The following DRC1 variants were observed in gnomAD, a reference collection of about 807,000 sequenced individuals.
DRC1 encodes dynein regulatory complex protein 1.
A neutral mutation model predicts 98.7 loss-of-function variants in DRC1; 74 were observed. The ratio of observed to expected loss-of-function variants is 0.75; its 90% confidence interval spans 0.62 to 0.91. DRC1 has a LOEUF of 0.91. Ranked by LOEUF, DRC1 falls within the 40% of genes least tolerant of loss-of-function variation. The probability of loss-of-function intolerance (pLI) is 0.00; values close to 1 mark genes in which losing one functional copy is unlikely to be tolerated. For missense variants in DRC1, 875 were observed against 886.0 expected, an observed-to-expected ratio of 0.99 and a Z score of 0.16; for synonymous variants, 336 against 334.1, an observed-to-expected ratio of 1.01 and a Z score of -0.06.
At chr2:26,433,042 G>A (rs34456384) in intron 7 of DRC1, among the ~76,000 whole-genome samples, 7,544 of 152,238 alleles carry the variant, frequency 0.05, 307 homozygotes, top group Non-Finnish European at 0.067. Flanking sequence ...TCAGAAGGGC[G>A]TTCCACAAAA....
At chr2:26,411,319 A>G (rs1678602044) in intron 1 of DRC1, among the ~76,000 whole-genome samples, 1 of 152,246 alleles carries the variant, frequency 6.6e-6, no homozygotes, top group Admixed American at 6.5e-5. Flanking sequence ...ATTTAACCCA[A>G]TATATAAAAG....
intron 10 of DRC1, among the ~76,000 whole-genome samples, chr2:26,447,723 T>A (rs1039645892): frequency 6.6e-6 from 1 of 151,006 alleles, no homozygotes; most frequent in Non-Finnish European, 1.5e-5. Flanking sequence ...CGTGCCACCA[T>A]GCCCAGCTAA....
intron 7 of DRC1, among the ~76,000 whole-genome samples, chr2:26,433,989 G>T (rs1295255987): frequency 6.6e-6 from 1 of 152,164 alleles, no homozygotes; most frequent in Non-Finnish European, 1.5e-5. Context: ...GTTTTAGTAG[G>T]TTAAACTTTA....
At chr2:26,412,857 A>C (rs1289680329) in intron 1 of DRC1, among the ~76,000 whole-genome samples, 1 of 151,996 alleles carries the variant, frequency 6.6e-6, no homozygotes, top group African/African-American at 2.4e-5. Context: ...GGCTCGGCTC[A>C]CTGCAAGCTC....
chr2:26,456,418 G>C, intron 16 of DRC1, 43 bp from the exon 17 acceptor site: 2 of 1,613,132 alleles, frequency 1.2e-6, no homozygotes, highest in Non-Finnish European at 1.7e-6. Flanking sequence ...AAAGAAGGAG[G>C]GCCCTGGGAA....
At chr2:26,452,091 C>T (rs980439595) in intron 13 of DRC1, among the ~76,000 whole-genome samples, 89 of 68,254 alleles carry the variant, frequency 1.3e-3, no homozygotes, top group Non-Finnish European at 3.7e-3. Context: ...GTTATGTTGG[C>T]GCAAAAAAAA....
Position 26,421,387 on chromosome 2 carries a change from A to C in DRC1, c.343A>C (p.Ile115Leu), listed in dbSNP as rs750393829. Reference protein sequence around the residue: ...EIHRRVEEEEIKRQRIEKLEN... With the variant: ...EIHRRVEEEELKRQRIEKLEN... ...TCACAGGAGAGTCGAAGAAGAGGAG[A>C]TAAAGCGTCAAAGGTAAGGACTGTG... The change falls in exon 3 of 17, where the codon ATA becomes CTA. Residue 115 changes from isoleucine (I) to leucine (L), a missense_variant. Ile to Leu is a conservative substitution (Grantham distance 5). Transcript: ENST00000288710. 5.6e-6 allele frequency: 9 copies of C among 1,613,008 alleles called. No homozygotes were observed. The highest frequency in any genetic ancestry group is 6.8e-6 in the Non-Finnish European group (8 of 1,179,320).
At chr2:26,436,429 A>T (rs1015372434) in intron 7 of DRC1, among the ~76,000 whole-genome samples, 1 of 151,996 alleles carries the variant, frequency 6.6e-6, no homozygotes, top group Non-Finnish European at 1.5e-5. Flanking sequence ...CTCCCACCTC[A>T]GTCTCCCGAA....
intron 1 of DRC1, among the ~76,000 whole-genome samples, chr2:26,408,393 G>T (rs1678490517): frequency 6.6e-6 from 1 of 152,146 alleles, no homozygotes; most frequent in Non-Finnish European, 1.5e-5. Context: ...TTCCTGGAAT[G>T]GTGGCACTTC....
intron 11 of DRC1, 133 bp downstream of exon 11, chr2:26,448,936 G>C: frequency 1.1e-6 from 1 of 883,034 alleles, no homozygotes; most frequent in South Asian, 1.6e-5. Flanking sequence ...GTTGGGCCCT[G>C]AGGAGCAGAG....
Position 26,402,018 on chromosome 2 carries a change from T to G in DRC1, c.29T>G (p.Leu10Arg). 2 of 1,611,154 alleles carry G rather than the reference T, an allele frequency of 1.2e-6. No individual in the cohort carries two copies. The highest frequency in any genetic ancestry group is 1.7e-6 in the Non-Finnish European group (2 of 1,178,998). Residue 10 changes from leucine to arginine, a missense_variant, in exon 1 of 17, where the codon CTG (leucine) becomes CGG (arginine). Coordinates refer to ENST00000288710, the MANE Select transcript of DRC1 (RefSeq NM_145038.5). MNPPGSLEA[L>R]DPNVDEHLST... The stretch of plus-strand genomic sequence containing the variant: ...AATCCGCCGGGGTCCCTAGAGGCCC[T>G]GGACCCGAACGTGGACGAGCACTTG...
At chr2:26,428,458 C>T (rs182110511) in intron 4 of DRC1, among the ~76,000 whole-genome samples, 15 of 152,282 alleles carry the variant, frequency 9.9e-5, no homozygotes, top group South Asian at 2.1e-4. Context: ...GCAGTTGTAA[C>T]GCAGTGCTAA....
At position 26,456,630 on chromosome 2, in the gene DRC1, G is replaced by GAGA; in HGVS notation, c.*113_*114insAGA. The GAGA allele has an allele frequency of 7.7e-7, 1 of 1,304,890 alleles. No individual in the cohort carries two copies. The highest frequency in any genetic ancestry group is 1.1e-6 in the Non-Finnish European group (1 of 918,052). The allele number at this position is 1,304,890 out of a possible 1,614,324, so 80.8% of individuals were successfully genotyped here. ...CTGGGCCTGCTCTCTGGATTTTCCAGGGCTGTCTTTATAGCCTGTCGAAAT... is the reference window on the plus strand; with the variant it reads ...CTGGGCCTGCTCTCTGGATTTTCCAGAGAGGCTGTCTTTATAGCCTGTCGAAAT... On this transcript the variant is annotated 3_prime_UTR_variant, in exon 17 of 17. Transcript: ENST00000288710.
Position 26,450,599 on chromosome 2 carries a change from GA to G in DRC1, c.1609del (p.Ile537LeufsTer11). On this transcript the variant is annotated frameshift_variant, in exon 13 of 17. Coordinates refer to ENST00000288710, the MANE Select transcript of DRC1 (RefSeq NM_145038.5). LOFTEE classifies it high-confidence loss of function. The stretch of plus-strand genomic sequence containing the variant: ...TCCTGTTTTTCGCCCCAGGCCCTTG[GA>G]ATTGAAAGTGAGGATGACTTGTATA... ...LRLDAIFSAL[G>X]IESEDDLYKL... 1.2e-6 allele frequency: 2 copies of G among 1,611,472 alleles called. No individual in the cohort carries two copies. The highest frequency in any genetic ancestry group is 1.7e-6 in the Non-Finnish European group (2 of 1,178,710).
chr2:26,418,008 TGCTCCAGCTCATTTAATGA>T (rs575851044), intron 2 of DRC1, among the ~76,000 whole-genome samples: 2,048 of 152,272 alleles, frequency 0.013, 28 homozygotes, highest in Middle Eastern at 0.034. Flanking sequence ...ATTAGTTGGA[TGCTCCAGCTCATTTAATGA>T]GCTCCAGCTC....
At chr2:26,444,490 T>G (rs1205930645) in intron 9 of DRC1, 134 bp downstream of exon 9, 1 of 1,275,888 alleles carries the variant, frequency 7.8e-7, no homozygotes, top group Non-Finnish European at 1.1e-6. Context: ...TAGTTAACCT[T>G]TTGTGGTGTG....
chr2:26,430,334 C>T (rs1158783574), intron 5 of DRC1, among the ~76,000 whole-genome samples: 1 of 150,818 alleles, frequency 6.6e-6, no homozygotes, highest in Non-Finnish European at 1.5e-5. Context: ...AAGGTGGAGG[C>T]CTCTCTCTCT....
chr2:26,423,837 T>A (rs1663212715), intron 3 of DRC1, among the ~76,000 whole-genome samples: 1 of 152,168 alleles, frequency 6.6e-6, no homozygotes, highest in Non-Finnish European at 1.5e-5. Flanking sequence ...AAGAGAAAAG[T>A]GAGGCTTGAG....
At chr2:26,437,950 G>A (rs1417976777) in intron 7 of DRC1, among the ~76,000 whole-genome samples, 1 of 151,656 alleles carries the variant, frequency 6.6e-6, no homozygotes, top group Non-Finnish European at 1.5e-5. Flanking sequence ...TTAGCTGGGC[G>A]TGGCGGTGGC....
Sources: allele counts gnomAD v4.1 joint callset (sites outside exome capture counted in the v4.1 genomes callset), GRCh38; gene constraint gnomAD v4.1.1; transcripts MANE v1.5; gene names NCBI Gene and HGNC (gene_info 2026-07-23, HGNC 2026-07-21).